The following MDGA1 variants were observed in gnomAD, a reference collection of about 807,000 sequenced individuals.
The protein encoded by MDGA1 is MAM domain containing glycosylphosphatidylinositol anchor 1, also known as MAM domain-containing glycosylphosphatidylinositol anchor protein 1.
Under a neutral mutation model 101.5 loss-of-function variants are expected in MDGA1, and 54 were observed. The ratio of observed to expected loss-of-function variants is 0.53; its 90% CI spans 0.43 to 0.67. MDGA1 has a LOEUF of 0.67. Ranked by LOEUF, MDGA1 falls within the 30% of genes least tolerant of loss-of-function variation. The pLI is 0.00. For missense variants in MDGA1, 1,083 were observed against 1,323.8 expected (o/e 0.82, Z 2.82); for synonymous variants, 533 against 558.3 (o/e 0.95, Z 0.64).
At chr6:37,659,569 G>A (rs540464113) in intron 2 of MDGA1, among the ~76,000 whole-genome samples, 11 of 152,344 alleles carry the variant, frequency 7.2e-5, no homozygotes, top group African/African-American at 2.6e-4. Flanking sequence ...GATAGGGGCA[G>A]TGGGTAGGGA....
At position 37,648,885 on chromosome 6, in the gene MDGA1, A is replaced by G. The variant is rs983255305; in HGVS notation, c.1894+97T>C. ...GTAGGTGGGCTTCAAGGGGGCCAGC[A>G]GGCCCACCCAGGCAAAGAATCACCC... is the stretch of plus-strand genomic sequence containing the variant. On this transcript the variant is annotated intron_variant, in intron 9 of 16. Transcript: ENST00000434837. 3 of 1,449,800 alleles carry G rather than the reference A, an allele frequency of 2.1e-6. No individual in the cohort carries two copies. The African/African-American group carries it at 4.5e-5, about 22-fold the overall frequency. The allele number at this position is 1,449,800 out of a possible 1,614,324, so 89.8% of individuals were successfully genotyped here.
intron 2 of MDGA1, 125 bp from the exon 3 acceptor site, chr6:37,658,544 C>A (rs1229120984): frequency 3.0e-6 from 3 of 1,012,154 alleles, no homozygotes; most frequent in African/African-American, 3.2e-5. Context: ...GTGGGGCACA[C>A]GCAGGCCTAG....
intron 1 of MDGA1, among the ~76,000 whole-genome samples, chr6:37,677,518 G>T (rs1261485081): frequency 6.6e-6 from 1 of 152,298 alleles, no homozygotes; most frequent in African/African-American, 2.4e-5. Context: ...TAAAGTGACA[G>T]GTCTGAGGGC....
chr6:37,638,739 C>T lies in MDGA1; in HGVS notation c.2537-72G>A. On this transcript the variant is annotated intron_variant, in intron 14 of 16. Coordinates refer to ENST00000434837, the MANE Select transcript of MDGA1 (RefSeq NM_153487.4). This position sits in a 1 kb window ranked among gnomAD's most constrained non-coding sequence, Gnocchi z 4.8. ...CCCTCACCTTTCCACATTTACCAAG[C>T]CCTCTTCTCCCACCATAGCCTGCAG... 2 of 1,535,182 alleles carry T rather than the reference C, an allele frequency of 1.3e-6. No homozygotes were observed. Among genetic ancestry groups the T allele is most frequent in the Non-Finnish European group, 1.8e-6 (2 of 1,135,924 alleles).
chr6:37,660,051 A>G (rs1364778095), intron 2 of MDGA1, among the ~76,000 whole-genome samples: 1 of 110,836 alleles, frequency 9.0e-6, no homozygotes, highest in Non-Finnish European at 2.2e-5. Context: ...TTTTTTTTTA[A>G]TCACTAGAGA....
At position 37,633,429 on chromosome 6, in the gene MDGA1, A is replaced by C. The variant is rs1439229436; in HGVS notation, c.*3939T>G. 1 of 152,318 alleles carries C rather than the reference A, an allele frequency of 6.6e-6. No individual in the cohort carries two copies. The highest frequency in any genetic ancestry group is 1.5e-5 in the Non-Finnish European group (1 of 68,148). The allele number at this position is 152,318 out of a possible 1,614,324, so 9.4% of individuals were successfully genotyped here. A position where few individuals can be genotyped will look rare whatever the true frequency, so the allele number is the denominator to read the frequency against. On this transcript the variant is annotated 3_prime_UTR_variant, in exon 17 of 17. Coordinates refer to ENST00000434837, the MANE Select transcript of MDGA1 (RefSeq NM_153487.4). ...GCGAGAAAAAACACAAGGATTCTGC[A>C]CGCCCCATCCGTGACCCTCCCGGTC... is the stretch of plus-strand genomic sequence containing the variant.
chr6:37,655,991 C>A lies in MDGA1; in HGVS notation c.383-95G>T. ...AGCCCTTAGGAAGAGCTGAGCCACC[C>A]TCAACAGACATTTCCAGATTGCCAG... On this transcript the variant is annotated intron_variant, in intron 3 of 16. Coordinates refer to ENST00000434837, the MANE Select transcript of MDGA1 (RefSeq NM_153487.4). This position sits in a 1 kb window ranked among gnomAD's most constrained non-coding sequence, Gnocchi z 5.1. 9.5e-7 allele frequency: 1 copy of A among 1,049,476 alleles called. No individual in the cohort carries two copies. Among genetic ancestry groups the A allele is most frequent in the Non-Finnish European group, 1.4e-6 (1 of 737,224 alleles). The allele number at this position is 1,049,476 out of a possible 1,614,324, so 65.0% of individuals were successfully genotyped here. A position where few individuals can be genotyped will look rare whatever the true frequency, so the allele number is the denominator to read the frequency against.
chr6:37,641,173 T>C (rs775372854), intron 14 of MDGA1, among the ~76,000 whole-genome samples: 2 of 152,116 alleles, frequency 1.3e-5, no homozygotes, highest in Non-Finnish European at 2.9e-5. Context: ...CCAAGCCAAC[T>C]CATTTCATCC....
intron 2 of MDGA1, among the ~76,000 whole-genome samples, chr6:37,661,981 C>A (rs1465039224): frequency 3.5e-5 from 4 of 115,472 alleles, no homozygotes; most frequent in African/African-American, 1.4e-4. Flanking sequence ...ATGGTGAAAA[C>A]CTGTCTCTGA....
chr6:37,644,098 TCCTGCCTCA>T (rs1764162767), intron 13 of MDGA1, among the ~76,000 whole-genome samples, 155 bp from the exon 14 acceptor site: 1 of 33,714 alleles, frequency 3.0e-5, no homozygotes, highest in Non-Finnish European at 9.1e-5. Flanking sequence ...ACCCCACACA[TCCTGCCTCA>T]CCCCACGCAT....
intron 13 of MDGA1, 46 bp from the exon 14 acceptor site, chr6:37,643,989 G>A: frequency 7.5e-6 from 12 of 1,605,950 alleles, no homozygotes; most frequent in Non-Finnish European, 8.5e-6. Context: ...AGACAGCCAG[G>A]CCTCTTCCTA....
intron 9 of MDGA1, 75 bp from the exon 10 acceptor site, chr6:37,647,399 G>A: frequency 1.1e-5 from 10 of 886,718 alleles, no homozygotes; most frequent in Non-Finnish European, 1.5e-5. Flanking sequence ...TGTGGGAAAG[G>A]GAAACAAGAG....
chr6:37,658,968 CAA>C (rs34087406), intron 2 of MDGA1, among the ~76,000 whole-genome samples: 4 of 109,508 alleles, frequency 3.7e-5, no homozygotes, highest in Non-Finnish European at 6.9e-5. Context: ...AAGACTGTTT[CAA>C]AAAAAAAAAA....
Position 37,638,219 on chromosome 6 carries a change from G to C in MDGA1, c.2762C>G (p.Thr921Arg). Residue 921 changes from threonine to arginine, a missense_variant, in exon 16 of 17, where the codon ACG becomes AGG. Transcript: ENST00000434837. This position sits in a 1 kb window ranked among gnomAD's most constrained non-coding sequence, Gnocchi z 4.8. ...CCGTCTTGCACCTTTATTGGGATCC[G>C]TCTGCTTCCGGGGACACTCCCCCTT... is the stretch of plus-strand genomic sequence containing the variant. ...LKKGECPRKQ[T>R]DPNKVVVMPG... 1 of 1,612,966 alleles carries C rather than the reference G, an allele frequency of 6.2e-7. No homozygotes were observed. The highest frequency in any genetic ancestry group is 1.7e-5 in the Admixed American group (1 of 59,976).
intron 1 of MDGA1, among the ~76,000 whole-genome samples, chr6:37,680,999 C>A (rs550814064): frequency 9.3e-5 from 14 of 150,572 alleles, no homozygotes; most frequent in South Asian, 4.2e-4. Flanking sequence ...CTCCTCAGCC[C>A]CCCCCCCCCA....
intron 8 of MDGA1, chr6:37,649,870 A>ATTTTTTT: frequency 7.9e-6 from 5 of 635,400 alleles, no homozygotes; most frequent in South Asian, 5.0e-5. Flanking sequence ...AAATCAAGTA[A>ATTTTTTT]TTTTTTTTTT....
chr6:37,664,042 G>A lies in MDGA1; in HGVS notation c.132C>T (p.Ser44=), dbSNP rs747400366. 2.9e-5 allele frequency: 46 copies of A among 1,613,798 alleles called. No individual in the cohort carries two copies. Among genetic ancestry groups the A allele is most frequent in the Middle Eastern group, 1.6e-4 (1 of 6,082 alleles). The change falls in exon 2 of 17, where the codon AGC becomes AGT. Residue 44 remains serine, a synonymous_variant. Transcript: ENST00000434837. ...QACVVKEDNI[S]ERVYTIREGD... ...CCTCCCGGATGGTGTAGACACGCTC[G>A]CTGATATTGTCCTCTTTCACCACAC...
At chr6:37,688,117 AC>A (rs1214732775) in intron 1 of MDGA1, among the ~76,000 whole-genome samples, 1 of 152,220 alleles carries the variant, frequency 6.6e-6, no homozygotes, top group Non-Finnish European at 1.5e-5. Context: ...TTGGGCAGTA[AC>A]CTGGAAAACC....
rs1306273480 is a variant in MDGA1, at chr6:37,634,813, A to G, written c.*2555T>C. ...CATAAAGACCAGGAACCTGGGGGCC[A>G]CATGTATGCAGTTCAGCTCAGCCAA... On this transcript the variant is annotated 3_prime_UTR_variant, in exon 17 of 17. Transcript: ENST00000434837. The surrounding 1 kb of genome is among the most constrained non-coding windows in gnomAD (Gnocchi z 4.7). 6.6e-6 allele frequency: 1 copy of G among 152,512 alleles called. No individual in the cohort carries two copies. The highest frequency in any genetic ancestry group is 6.5e-5 in the Admixed American group (1 of 15,280). 9.4% of individuals were successfully genotyped at this position (152,512 alleles called of 1,614,324 possible). A position where few individuals can be genotyped will look rare whatever the true frequency, so the allele number is the denominator to read the frequency against.
Sources: gnomAD v4.1 joint callset for allele counts (sites outside exome capture counted in the v4.1 genomes callset) on GRCh38, gnomAD v4.1.1 for gene constraint, Gnocchi (gnomAD v3.1) non-coding constraint, MANE v1.5 for transcripts, NCBI Gene and HGNC (gene_info 2026-07-23, HGNC 2026-07-21) for gene names.